ZDHHC6: variants seen among roughly 807,000 people sequenced by gnomAD.
The protein encoded by ZDHHC6 is palmitoyltransferase ZDHHC6.
Under a neutral mutation model 57.8 loss-of-function variants are expected in ZDHHC6, and 32 were observed. The ratio of observed to expected loss-of-function variants is 0.55; its 90% CI spans 0.42 to 0.74. The LOEUF (loss-of-function observed/expected upper bound fraction) is 0.74. ZDHHC6 is among the 30% of genes least tolerant of loss of function. ZDHHC6 has a pLI of 0.00. For missense variants in ZDHHC6, 433 were observed against 500.7 expected, an observed-to-expected ratio of 0.86 and a Z score of 1.29; for synonymous variants, 128 against 158.0, an observed-to-expected ratio of 0.81 and a Z score of 1.42.
Position 112,432,341 on chromosome 10 carries a change from CT to C in ZDHHC6, c.1091+34del, listed in dbSNP as rs779877868. ...TTTTAGGCTAGATATTAATTTTGTC[CT>C]TGAAGAAGAAATGCAGTACTTCCTA... is the stretch of plus-strand genomic sequence containing the variant. On this transcript the variant is annotated intron_variant, in intron 9 of 10. Coordinates refer to ENST00000369405, the MANE Select transcript of ZDHHC6 (RefSeq NM_022494.3). The C allele has an allele frequency of 1.1e-5, 18 of 1,608,374 alleles. No homozygotes were observed. The African/African-American group carries it at 2.3e-4, about 20-fold the overall frequency.
At chr10:112,432,947 C>A (rs1430532479) in intron 8 of ZDHHC6, among the ~76,000 whole-genome samples, 1 of 152,092 alleles carries the variant, frequency 6.6e-6, no homozygotes, top group African/African-American at 2.4e-5. Flanking sequence ...TGGCTGGTGG[C>A]CATCATATCC....
At chr10:112,427,717 T>C (rs1191145135), downstream of ZDHHC6, 1 of 161,368 alleles carries the variant, frequency 6.2e-6, no homozygotes. Context: ...GCCTTCTTCT[T>C]TGTTTTGTGA....
chr10:112,435,121 G>A (rs1005961020), intron 6 of ZDHHC6, among the ~76,000 whole-genome samples: 2 of 152,106 alleles, frequency 1.3e-5, no homozygotes, highest in Admixed American at 6.5e-5. Context: ...TGTTATGCAT[G>A]TACATAACTA....
At chr10:112,439,658 A>AAAAAAAAAAAAAAAAAAAAAAAAAAAT (rs1845908847) in intron 5 of ZDHHC6, among the ~76,000 whole-genome samples, 1 of 147,016 alleles carries the variant, frequency 6.8e-6, no homozygotes, top group Non-Finnish European at 1.5e-5. Context: ...AAAAAAAAAA[A>AAAAAAAAAAAAAAAAAAAAAAAAAAAT]AAAAAAAAAA....
At chr10:112,439,434 C>A (rs537732478) in intron 5 of ZDHHC6, among the ~76,000 whole-genome samples, 11 of 151,670 alleles carry the variant, frequency 7.3e-5, no homozygotes, top group Non-Finnish European at 1.3e-4. Context: ...AGTTCAAGAC[C>A]AGCCTGGCCA....
At chr10:112,431,859 G>A (rs1845071206) in intron 10 of ZDHHC6, among the ~76,000 whole-genome samples, 1 of 152,152 alleles carries the variant, frequency 6.6e-6, no homozygotes, top group South Asian at 2.1e-4. Flanking sequence ...GACTGCTTGG[G>A]GTTAAGCCCT....
chr10:112,425,141 T>C (rs1353488347), exon 12 of ZDHHC6: 3 of 449,056 alleles, frequency 6.7e-6, no homozygotes, highest in African/African-American at 2.0e-5. Context: ...CACATAGATA[T>C]ACAGTAAAGA....
At position 112,440,663 on chromosome 10, in the gene ZDHHC6, G is replaced by A; in HGVS notation, c.552C>T (p.Asp184=). 1 of 1,613,804 alleles carries A rather than the reference G, an allele frequency of 6.2e-7. No homozygotes were observed. Among genetic ancestry groups the A allele is most frequent in the Non-Finnish European group, 8.5e-7 (1 of 1,179,820 alleles). ...LSFGWNTVKI[D]MSAARRDPLP... ...GAGGATCTCTCCGGGCTGCACTCAT[G>A]TCGATCTTCACTGTGTTCCACCCAA... is the stretch of plus-strand genomic sequence containing the variant. Residue 184 remains aspartate, a synonymous_variant, in exon 5 of 11, where the codon GAC becomes GAT. Coordinates refer to ENST00000369405, the MANE Select transcript of ZDHHC6 (RefSeq NM_022494.3).
downstream of ZDHHC6, among the ~76,000 whole-genome samples, chr10:112,429,007 A>G (rs575418163): frequency 6.6e-6 from 1 of 152,238 alleles, no homozygotes; most frequent in Non-Finnish European, 1.5e-5. Context: ...CCAACTGAGC[A>G]CAAGTCATAT....
chr10:112,427,970 C>A (rs746933067), downstream of ZDHHC6: 48 of 154,454 alleles, frequency 3.1e-4, no homozygotes, highest in Non-Finnish European at 4.6e-4. Context: ...CCAAACATTT[C>A]CTAAACTCTC....
Position 112,434,289 on chromosome 10 carries a change from A to G in ZDHHC6, c.903+8T>C. ...AAAAGGAAGGGCTATTTGAACAAAA[A>G]TACTCACTGTTAAGCTGTATTGGTG... On this transcript the variant is annotated splice_region_variant and intron_variant, in intron 7 of 10. Transcript: ENST00000369405. The G allele has an allele frequency of 1.3e-6, 2 of 1,559,956 alleles. No homozygotes were observed. The highest frequency in any genetic ancestry group is 1.7e-6 in the Non-Finnish European group (2 of 1,152,142).
chr10:112,428,246 T>G (rs1174110038), downstream of ZDHHC6: 2 of 384,212 alleles, frequency 5.2e-6, no homozygotes, highest in African/African-American at 4.1e-5. Context: ...CACAACAGGC[T>G]TATTTTCTGT....
intron 5 of ZDHHC6, 22 bp from the exon 6 acceptor site, chr10:112,438,411 A>C: frequency 7.4e-7 from 1 of 1,353,618 alleles, no homozygotes; most frequent in Non-Finnish European, 9.8e-7. Flanking sequence ...ATGATAGTAA[A>C]ATTTAATAAT....
chr10:112,445,486 T>C lies in ZDHHC6; in HGVS notation c.-50A>G. On this transcript the variant is annotated 5_prime_UTR_variant, in exon 2 of 11. Coordinates refer to ENST00000369405, the MANE Select transcript of ZDHHC6 (RefSeq NM_022494.3). The stretch of plus-strand genomic sequence containing the variant: ...ACTTTAAAAGAATTATAGATTTCCT[T>C]TTTCTGTGCGCACATTTCCATGTGC... 6.3e-7 allele frequency: 1 copy of C among 1,583,164 alleles called. No homozygotes were observed. Among genetic ancestry groups the C allele is most frequent in the Non-Finnish European group, 8.6e-7 (1 of 1,163,752 alleles).
At chr10:112,438,212 G>GT (rs969453522) in intron 6 of ZDHHC6, 124 bp downstream of exon 6, 3 of 654,108 alleles carry the variant, frequency 4.6e-6, no homozygotes, top group African/African-American at 3.8e-5. Flanking sequence ...TGGCAGCCAT[G>GT]TTTTCACTTT....
At chr10:112,432,343 T>TG (rs1466372354) in intron 9 of ZDHHC6, 33 bp downstream of exon 9, 1 of 1,609,274 alleles carries the variant, frequency 6.2e-7, no homozygotes, top group Admixed American at 1.7e-5. Context: ...ATTTTGTCCT[T>TG]GAAGAAGAAA....
At chr10:112,426,420 C>A (rs149270456), downstream of ZDHHC6, 1,804 of 1,397,756 alleles carry the variant, frequency 1.3e-3, 24 homozygotes, top group African/African-American at 0.023. Context: ...GGAGAGGATG[C>A]CTCACCAGTT....
chr10:112,434,534 A>G (rs917505997), intron 6 of ZDHHC6, 70 bp from the exon 7 acceptor site: 8 of 1,411,640 alleles, frequency 5.7e-6, no homozygotes, highest in Middle Eastern at 2.3e-4. Context: ...TGTTATTGAG[A>G]ACACTTATTT....
At position 112,439,561 on chromosome 10, in the gene ZDHHC6, C is replaced by T. The variant is rs575282649; in HGVS notation, c.681+973G>A. Reference sequence around the variant, plus strand: ...CAGAGAACTGCTTAAACCCGGAAGGCGGAGGTTGCAGTGAGCTGAGTTCAC... The same window carrying T: ...CAGAGAACTGCTTAAACCCGGAAGGTGGAGGTTGCAGTGAGCTGAGTTCAC... On this transcript the variant is annotated intron_variant, in intron 5 of 10. Transcript: ENST00000369405. Among the ~76,000 whole-genome samples the T allele has an allele frequency of 8.5e-5, 11 of 129,368 alleles. No individual in the cohort carries two copies. The East Asian group carries it at 1.6e-3, about 19-fold the overall frequency. The allele number at this position is 129,368 out of a possible 152,430, so 84.9% of individuals were successfully genotyped here. A position where few individuals can be genotyped will look rare whatever the true frequency, so the allele number is the denominator to read the frequency against.
Sources: allele counts gnomAD v4.1 joint callset (sites outside exome capture counted in the v4.1 genomes callset), GRCh38; gene constraint gnomAD v4.1.1; transcripts MANE v1.5; gene names NCBI Gene and HGNC (gene_info 2026-07-23, HGNC 2026-07-21).